GPR39: variants seen among roughly 807,000 people sequenced by gnomAD.
GPR39 encodes the protein G protein-coupled receptor 39.
GPR39 carries 23 observed loss-of-function variants against 18.4 expected under a neutral mutation model. The observed-to-expected ratio is 1.25, with a 90% CI of 0.90 to 1.77. The LOEUF (loss-of-function observed/expected upper bound fraction) is 1.77, where lower values mean the gene tolerates loss of function less well. Among genes scored for constraint, GPR39 ranks in the 40% most tolerant of loss-of-function variants. The probability of loss-of-function intolerance (pLI) is 0.00; values close to 1 mark genes in which losing one functional copy is unlikely to be tolerated. For missense variants in GPR39, 647 were observed against 602.4 expected (o/e 1.07, Z -0.78); for synonymous variants, 280 against 257.9 (o/e 1.09, Z -0.82).
intron 1 of GPR39, among the ~76,000 whole-genome samples, chr2:132,515,663 C>G (rs1451309893): frequency 6.6e-6 from 1 of 152,124 alleles, no homozygotes; most frequent in Admixed American, 6.5e-5. Context: ...TTCCCCTCAC[C>G]CTTTCTTCCT....
chr2:132,588,114 A>G (rs933758661), intron 1 of GPR39, among the ~76,000 whole-genome samples: 2 of 152,112 alleles, frequency 1.3e-5, no homozygotes, highest in Non-Finnish European at 2.9e-5. Flanking sequence ...GGAGGTGGAA[A>G]AGAAGGGAAA....
intron 1 of GPR39, among the ~76,000 whole-genome samples, chr2:132,635,551 A>G (rs1027623334): frequency 2.6e-5 from 4 of 152,200 alleles, no homozygotes; most frequent in South Asian, 4.2e-4. Context: ...AGGAAGAGAG[A>G]AGGAGGAAAA....
intron 1 of GPR39, among the ~76,000 whole-genome samples, chr2:132,436,632 G>T (rs1042568800): frequency 6.6e-6 from 1 of 152,150 alleles, no homozygotes; most frequent in African/African-American, 2.4e-5. Context: ...ACAGAGATGG[G>T]AAATATCAGA....
At chr2:132,448,858 T>C in intron 1 of GPR39, among the ~76,000 whole-genome samples, 1 of 152,154 alleles carries the variant, frequency 6.6e-6, no homozygotes, top group East Asian at 1.9e-4. Flanking sequence ...TGAAATTGGT[T>C]TTTCTCCCCT....
rs11283934 is a variant in GPR39 at position 132,445,946 on chromosome 2, TCACAGAGATCAG to T, written c.856+28054_856+28065del. ...CCCACTATCATGGGCATTTCGTCAG[TCACAGAGATCAG>T]CACAGGAGACCTCGCAGGAGAAATG... On this transcript the variant is annotated intron_variant, in intron 1 of 1. Coordinates refer to ENST00000329321, the MANE Select transcript of GPR39 (RefSeq NM_001508.3). Among the ~76,000 whole-genome samples, 582 of 152,126 alleles carry T rather than the reference TCACAGAGATCAG, an allele frequency of 3.8e-3. 1 individual carries two copies. Among genetic ancestry groups the T allele is most frequent in the African/African-American group, 0.013 (537 of 41,496 alleles).
At chr2:132,428,965 A>G (rs1167549725) in intron 1 of GPR39, among the ~76,000 whole-genome samples, 1 of 152,216 alleles carries the variant, frequency 6.6e-6, no homozygotes, top group African/African-American at 2.4e-5. Context: ...TGTTGTGTCA[A>G]AATTCAAGGG....
rs1680697512 is a variant in GPR39 at position 132,584,887 on chromosome 2, C to A, written c.857-60214C>A. Among the ~76,000 whole-genome samples the A allele has an allele frequency of 2.0e-5, 3 of 152,136 alleles. No homozygotes were observed. In the South Asian group the frequency reaches 6.2e-4, roughly 32 times the overall value. ...CAAAATCTTGTTTATGGACTTTTAA[C>A]AGTGAGAGAGAGCATTTCTGGAGAC... On this transcript the variant is annotated intron_variant, in intron 1 of 1. Coordinates refer to ENST00000329321, the MANE Select transcript of GPR39 (RefSeq NM_001508.3).
intron 1 of GPR39, among the ~76,000 whole-genome samples, chr2:132,627,356 C>T (rs1681568667): frequency 6.6e-6 from 1 of 152,152 alleles, no homozygotes. Flanking sequence ...ACTTAACCAT[C>T]CAAGTACAAC....
chr2:132,546,571 C>G (rs1464046610), intron 1 of GPR39, among the ~76,000 whole-genome samples: 1 of 151,936 alleles, frequency 6.6e-6, no homozygotes, highest in Non-Finnish European at 1.5e-5. Flanking sequence ...GCTTGTCTAC[C>G]CAGTATTCCT....
At chr2:132,560,435 A>G (rs1366137241) in intron 1 of GPR39, among the ~76,000 whole-genome samples, 1 of 152,128 alleles carries the variant, frequency 6.6e-6, no homozygotes, top group African/African-American at 2.4e-5. Context: ...CCCTGATTGC[A>G]TCGAAGAACA....
At chr2:132,442,697 G>A (rs923450536) in intron 1 of GPR39, among the ~76,000 whole-genome samples, 54 of 152,206 alleles carry the variant, frequency 3.5e-4, no homozygotes, top group East Asian at 3.9e-4. Flanking sequence ...ACATATCAGC[G>A]ATGCAATAGA....
chr2:132,548,406 T>G (rs1471578743), intron 1 of GPR39, among the ~76,000 whole-genome samples: 10 of 152,250 alleles, frequency 6.6e-5, no homozygotes, highest in Non-Finnish European at 1.3e-4. Flanking sequence ...CCAGCACTAA[T>G]TGGCTGTAAA....
chr2:132,574,937 G>C (rs914917668), intron 1 of GPR39, among the ~76,000 whole-genome samples: 1 of 152,154 alleles, frequency 6.6e-6, no homozygotes, highest in Non-Finnish European at 1.5e-5. Context: ...TTGCCCTTTT[G>C]TGACTGAGGT....
chr2:132,498,223 T>C (rs971828843), intron 1 of GPR39, among the ~76,000 whole-genome samples: 1 of 152,192 alleles, frequency 6.6e-6, no homozygotes, highest in African/African-American at 2.4e-5. Flanking sequence ...CTGTGTAGTC[T>C]TTTATACCTT....
At chr2:132,515,984 A>T (rs966887481) in intron 1 of GPR39, among the ~76,000 whole-genome samples, 9 of 152,294 alleles carry the variant, frequency 5.9e-5, no homozygotes, top group African/African-American at 2.2e-4. Flanking sequence ...GTAAATTTGT[A>T]TTATTTTCTC....
chr2:132,575,537 A>G (rs1395579841), intron 1 of GPR39, among the ~76,000 whole-genome samples: 2 of 152,212 alleles, frequency 1.3e-5, no homozygotes, highest in Non-Finnish European at 2.9e-5. Context: ...ACTGTTTTCC[A>G]GAGTGGTTGT....
At chr2:132,492,328 C>G (rs1681487168) in intron 1 of GPR39, among the ~76,000 whole-genome samples, 1 of 133,058 alleles carries the variant, frequency 7.5e-6, no homozygotes, top group Admixed American at 7.6e-5. Context: ...ATATACATAC[C>G]ATATATATAC....
chr2:132,542,994 G>A (rs1346050272), intron 1 of GPR39, among the ~76,000 whole-genome samples: 1 of 152,100 alleles, frequency 6.6e-6, no homozygotes, highest in Admixed American at 6.5e-5. Flanking sequence ...ACTTCCCAGG[G>A]CTGGAACCCA....
chr2:132,588,366 A>G (rs1281879247), intron 1 of GPR39, among the ~76,000 whole-genome samples: 1 of 152,166 alleles, frequency 6.6e-6, no homozygotes, highest in African/African-American at 2.4e-5. Flanking sequence ...CTATCCCAAC[A>G]CTTACTGGTT....
Sources: allele counts gnomAD v4.1 joint callset (sites outside exome capture counted in the v4.1 genomes callset), GRCh38; gene constraint gnomAD v4.1.1; transcripts MANE v1.5; gene names NCBI Gene and HGNC (gene_info 2026-07-23, HGNC 2026-07-21).